Variants in MPZL2 observed in about 807,000 individuals in gnomAD.
MPZL2 encodes myelin protein zero like 2.
A neutral mutation model predicts 24.5 loss-of-function variants in MPZL2; 32 were observed. That is an observed-to-expected ratio of 1.31 (90% CI 0.99 to 1.76). The LOEUF (loss-of-function observed/expected upper bound fraction) is 1.76, where lower values mean the gene tolerates loss of function less well. Ranked by LOEUF, MPZL2 falls within the 40% of genes most tolerant of loss-of-function variation. The pLI is 0.00. For missense variants in MPZL2, 304 were observed against 274.9 expected (o/e 1.11, Z -0.75); for synonymous variants, 92 against 97.9 (o/e 0.94, Z 0.36).
At chr11:118,256,185 C>T (rs1248101447) in intron 5 of MPZL2, among the ~76,000 whole-genome samples, 3 of 152,076 alleles carry the variant, frequency 2.0e-5, no homozygotes, top group African/African-American at 7.2e-5. Context: ...CAACTAATAA[C>T]GGTCTGTAAA....
intron 5 of MPZL2, among the ~76,000 whole-genome samples, chr11:118,255,851 A>G (rs1949656345): frequency 6.6e-6 from 1 of 152,086 alleles, no homozygotes; most frequent in African/African-American, 2.4e-5. Flanking sequence ...GACTTTCCCA[A>G]TTGCCCCTCC....
In MPZL2 at chr11:118,262,460, G is replaced by A. The variant is rs750376202; in HGVS notation, c.414C>T (p.Ile138=). ...TACCAGTGTGCACGACGCTGAGCCGGATCTCCCCTATCACCCCATCAACAT... is the reference window on the plus strand; with the variant it reads ...TACCAGTGTGCACGACGCTGAGCCGAATCTCCCCTATCACCCCATCAACAT... ...PPDVDGVIGE[I]RLSVVHTVRF... The change falls in exon 3 of 6, where the codon ATC becomes ATT. Residue 138 remains isoleucine, a synonymous_variant. Coordinates refer to ENST00000278937, the MANE Select transcript of MPZL2 (RefSeq NM_005797.4). 2 of 1,613,934 alleles carry A rather than the reference G, an allele frequency of 1.2e-6. No individual in the cohort carries two copies. Among genetic ancestry groups the A allele is most frequent in the East Asian group, 4.5e-5 (2 of 44,878 alleles).
intron 1 of MPZL2, 159 bp from the exon 2 acceptor site, chr11:118,263,256 C>T (rs1949716356): frequency 1.3e-5 from 9 of 710,010 alleles, no homozygotes; most frequent in Non-Finnish European, 9.2e-6. Context: ...TCTACATACT[C>T]CTACCTGTAT....
chr11:118,264,169 T>G lies in MPZL2; in HGVS notation c.-16A>C. ...TGCCATACATGAGGGAAACCCAGCC[T>G]TGGCCCCAGAGACCGGACGGGGCAG... is the stretch of plus-strand genomic sequence containing the variant. On this transcript the variant is annotated 5_prime_UTR_variant, in exon 1 of 6. Transcript: ENST00000278937. 1 of 1,613,982 alleles carries G rather than the reference T, an allele frequency of 6.2e-7. No individual in the cohort carries two copies. Among genetic ancestry groups the G allele is most frequent in the Non-Finnish European group, 8.5e-7 (1 of 1,179,978 alleles).
At position 118,263,059 on chromosome 11, in the gene MPZL2, G is replaced by A. The variant is rs374636024; in HGVS notation, c.97C>T (p.Arg33Trp). Residue 33 changes from arginine (R) to tryptophan (W), a missense_variant, in exon 2 of 6, where the codon CGG becomes TGG. Transcript: ENST00000278937. ...GTCCCATTAACAGCCTCCAGCACCCGGGAGGTATAAATTTCCACAGCTGCT... is the reference window on the plus strand; with the variant it reads ...GTCCCATTAACAGCCTCCAGCACCCAGGAGGTATAAATTTCCACAGCTGCT... Reference protein sequence around the residue: ...PIAAVEIYTSRVLEAVNGTDA... With the variant: ...PIAAVEIYTSWVLEAVNGTDA... The A allele has an allele frequency of 1.7e-5, 27 of 1,613,996 alleles. No individual in the cohort carries two copies. The African/African-American group carries it at 1.7e-4, about 10-fold the overall frequency.
At chr11:118,257,670 T>G (rs1949669967) in intron 4 of MPZL2, 1 of 167,414 alleles carries the variant, frequency 6.0e-6, no homozygotes, top group Non-Finnish European at 1.3e-5. Flanking sequence ...CTTTATTGGT[T>G]CTATTCAAAC....
intron 4 of MPZL2, 57 bp from the exon 5 acceptor site, chr11:118,257,370 TC>T: frequency 7.2e-7 from 1 of 1,395,798 alleles, no homozygotes; most frequent in Non-Finnish European, 1.0e-6. Flanking sequence ...AGTGGGTAAA[TC>T]CCACAGAAGC....
chr11:118,264,110 C>A lies in MPZL2; in HGVS notation c.44G>T (p.Gly15Val). 6.2e-7 allele frequency: 1 copy of A among 1,614,048 alleles called. No individual in the cohort carries two copies. Among genetic ancestry groups the A allele is most frequent in the Non-Finnish European group, 8.5e-7 (1 of 1,180,008 alleles). ...CCGGCTCTTACCTGTGAGCTGTATG[C>A]CAAGGAGAAGAAGCACCGCACGAGT... ...SSTRAVLLLL[G>V]IQLTALWPIA... is the part of the protein sequence containing the mutation. Residue 15 changes from glycine (G) to valine (V), a missense_variant, in exon 1 of 6, where the codon GGC (glycine) becomes GTC (valine). By Grantham distance (109) the Gly-to-Val change is moderately radical (BLOSUM62 -3). Transcript: ENST00000278937.
intron 5 of MPZL2, among the ~76,000 whole-genome samples, chr11:118,255,823 T>C (rs1382735844): frequency 6.6e-6 from 1 of 152,216 alleles, no homozygotes; most frequent in Non-Finnish European, 1.5e-5. Flanking sequence ...TCCATATATT[T>C]AACATTTTCA....
intron 1 of MPZL2, among the ~76,000 whole-genome samples, chr11:118,263,843 A>G (rs1949720378): frequency 6.6e-6 from 1 of 152,184 alleles, no homozygotes; most frequent in Non-Finnish European, 1.5e-5. Flanking sequence ...AAAAAATGGC[A>G]TGTAACCTGA....
Position 118,255,231 on chromosome 11 carries a change from T to C in MPZL2, c.*15A>G, listed in dbSNP as rs1949653605. The C allele has an allele frequency of 6.6e-6, 1 of 152,146 alleles. No homozygotes were observed. The highest frequency in any genetic ancestry group is 1.5e-5 in the Non-Finnish European group (1 of 68,028). The allele number at this position is 152,146 out of a possible 1,614,324, so 9.4% of individuals were successfully genotyped here. On this transcript the variant is annotated splice_region_variant and 3_prime_UTR_variant, in exon 6 of 6. Transcript: ENST00000278937. ...TCTTGTTCTTGGAAATCATCTCAGC[T>C]TCCTAAAACACAAAACAAAAGTTTA...
chr11:118,259,161 A>G (rs1949681893), intron 4 of MPZL2: 2 of 152,128 alleles, frequency 1.3e-5, no homozygotes, highest in African/African-American at 4.8e-5. Context: ...AAGACCCAAC[A>G]ATTCCACTTT....
In MPZL2 at chr11:118,254,250, TTTC is replaced by T. The variant is rs1216539507; in HGVS notation, c.*993_*995del. The T allele has an allele frequency of 1.3e-5, 2 of 152,242 alleles. No individual in the cohort carries two copies. The allele number at this position is 152,242 out of a possible 1,614,324, so 9.4% of individuals were successfully genotyped here. A position where few individuals can be genotyped will look rare whatever the true frequency, so the allele number is the denominator to read the frequency against. On this transcript the variant is annotated 3_prime_UTR_variant, in exon 6 of 6. Transcript: ENST00000278937. Reference sequence around the variant, plus strand: ...ATTAAAAAAGAAAAAAAGTTAATAATTTCTTCTAGTTCTCAGAGTTTTATATAA... The same window carrying T: ...ATTAAAAAAGAAAAAAAGTTAATAATTTCTAGTTCTCAGAGTTTTATATAA...
At chr11:118,257,361 G>C in intron 4 of MPZL2, 48 bp from the exon 5 acceptor site, 1 of 1,486,756 alleles carries the variant, frequency 6.7e-7, no homozygotes, top group Non-Finnish European at 9.4e-7. Flanking sequence ...CAAGAAGCAA[G>C]TGGGTAAATC....
intron 1 of MPZL2, among the ~76,000 whole-genome samples, chr11:118,263,595 A>T (rs1274370406): frequency 1.3e-5 from 2 of 152,194 alleles, no homozygotes; most frequent in Non-Finnish European, 2.9e-5. Context: ...TGAATTAATC[A>T]ACTCCAGACA....
chr11:118,261,812 T>G (rs1248655778), intron 3 of MPZL2, among the ~76,000 whole-genome samples: 1 of 152,218 alleles, frequency 6.6e-6, no homozygotes, highest in Non-Finnish European at 1.5e-5. Context: ...TGGGTTTGAG[T>G]CCTAAGTTAC....
chr11:118,258,384 A>G (rs1425292209), intron 4 of MPZL2, among the ~76,000 whole-genome samples: 1 of 152,238 alleles, frequency 6.6e-6, no homozygotes, highest in Non-Finnish European at 1.5e-5. Context: ...TGTATATCTG[A>G]TAAGGAACTA....
chr11:118,258,104 GA>G (rs1949674332), intron 4 of MPZL2, among the ~76,000 whole-genome samples: 1 of 151,784 alleles, frequency 6.6e-6, no homozygotes, highest in Admixed American at 6.6e-5. Context: ...GCAAAAGAGT[GA>G]ATTTGGACTT....
chr11:118,263,952 G>T, intron 1 of MPZL2, 144 bp downstream of exon 1: 1 of 829,008 alleles, frequency 1.2e-6, no homozygotes, highest in Non-Finnish European at 1.9e-6. Context: ...ACCAACTTTG[G>T]TTTCAGTAAA....
Sources: gnomAD v4.1 joint callset for allele counts (sites outside exome capture counted in the v4.1 genomes callset) on GRCh38, gnomAD v4.1.1 for gene constraint, MANE v1.5 for transcripts, NCBI Gene and HGNC (gene_info 2026-07-23, HGNC 2026-07-21) for gene names.